IL1RAPL2: variants seen among roughly 807,000 people sequenced by gnomAD.
The protein encoded by IL1RAPL2 is interleukin 1 receptor accessory protein like 2.
Under a neutral mutation model 44.1 loss-of-function variants are expected in IL1RAPL2, and 3 were observed. The ratio of observed to expected loss-of-function variants is 0.07; its 90% CI spans 0.03 to 0.18. The LOEUF (loss-of-function observed/expected upper bound fraction) is 0.18. Ranked by LOEUF, IL1RAPL2 falls within the 10% of genes least tolerant of loss-of-function variation. The pLI, the probability that IL1RAPL2 is intolerant of heterozygous loss-of-function variation, is 1.00. For synonymous variants in IL1RAPL2, 181 were observed against 178.8 expected (o/e 1.01, Z -0.10); for missense variants, 391 against 496.4 (o/e 0.79, Z 2.02).
chrX:104,647,767 G>A (rs1930072454), intron 1 of IL1RAPL2: 1 of 537,066 alleles, frequency 1.9e-6, no homozygotes, highest in African/African-American at 2.3e-5. Flanking sequence ...TACCAGTGAT[G>A]ACTGGTACAT....
At chrX:105,435,414 A>G (rs1041667404) in intron 5 of IL1RAPL2, among the ~76,000 whole-genome samples, 22 of 111,548 alleles carry the variant, frequency 2.0e-4, no homozygotes, top group Admixed American at 1.9e-3. Flanking sequence ...AAGGCTGTGG[A>G]GAAATAGGAA....
At chrX:105,359,917 G>T (rs1434177370) in intron 5 of IL1RAPL2, among the ~76,000 whole-genome samples, 1 of 110,504 alleles carries the variant, frequency 9.0e-6, no homozygotes, top group Admixed American at 9.7e-5. Flanking sequence ...TATGTATGAG[G>T]TAACTGAAAC....
intron 2 of IL1RAPL2, among the ~76,000 whole-genome samples, chrX:105,189,214 T>TTTTA (rs1258562913): frequency 1.8e-5 from 2 of 112,320 alleles, no homozygotes; most frequent in Non-Finnish European, 3.8e-5. Flanking sequence ...ATTGACTGAA[T>TTTTA]TTTATTTATT....
chrX:104,635,607 T>G (rs937484577), intron 1 of IL1RAPL2, among the ~76,000 whole-genome samples: 2 of 112,139 alleles, frequency 1.8e-5, no homozygotes, highest in African/African-American at 6.5e-5. Flanking sequence ...CTTCCATCAC[T>G]GATACCCTTT....
chrX:104,627,261 G>A (rs904475039), intron 1 of IL1RAPL2, among the ~76,000 whole-genome samples: 30 of 100,358 alleles, frequency 3.0e-4, no homozygotes, highest in Non-Finnish European at 5.6e-4. Flanking sequence ...TTTTGTCCTT[G>A]CGATAGTTTG....
At chrX:105,305,645 T>C (rs778915706) in intron 5 of IL1RAPL2, among the ~76,000 whole-genome samples, 1 of 111,763 alleles carries the variant, frequency 8.9e-6, no homozygotes, top group Non-Finnish European at 1.9e-5. Flanking sequence ...TCTTCCCAAA[T>C]ATTTGTGAAG....
chrX:104,843,434 G>A (rs1001930517), intron 2 of IL1RAPL2, among the ~76,000 whole-genome samples: 1 of 110,962 alleles, frequency 9.0e-6, no homozygotes, highest in Non-Finnish European at 1.9e-5. Flanking sequence ...TCTCGCTGGA[G>A]TTCCAGGTGC....
intron 2 of IL1RAPL2, among the ~76,000 whole-genome samples, chrX:105,016,348 A>C (rs943120515): frequency 9.0e-6 from 1 of 111,213 alleles, no homozygotes; most frequent in Non-Finnish European, 1.9e-5. Flanking sequence ...ATCCAATATT[A>C]TGTTGAATAG....
At chrX:105,158,343 A>C (rs1290086323) in intron 2 of IL1RAPL2, among the ~76,000 whole-genome samples, 1 of 109,881 alleles carries the variant, frequency 9.1e-6, no homozygotes, top group Non-Finnish European at 1.9e-5. Context: ...TGGGTGACAG[A>C]GCGAGACTCC....
chrX:105,391,287 C>A (rs1049631885), intron 5 of IL1RAPL2, among the ~76,000 whole-genome samples: 39 of 111,426 alleles, frequency 3.5e-4, no homozygotes, highest in African/African-American at 1.2e-3. Context: ...TAAAACCAAA[C>A]CACTAGGGTT....
intron 2 of IL1RAPL2, among the ~76,000 whole-genome samples, chrX:104,904,524 T>A (rs1485073866): frequency 1.0e-5 from 1 of 97,035 alleles, no homozygotes; most frequent in African/African-American, 3.8e-5. Flanking sequence ...CATTGTTCAA[T>A]TCCCATCTAT....
intron 2 of IL1RAPL2, among the ~76,000 whole-genome samples, chrX:104,828,865 G>A (rs974070366): frequency 1.8e-5 from 2 of 112,746 alleles, no homozygotes. Context: ...TGACTACAGC[G>A]GCTTTGCAGC....
intron 2 of IL1RAPL2, among the ~76,000 whole-genome samples, chrX:105,018,792 A>G (rs2031231738): frequency 8.9e-6 from 1 of 111,846 alleles, no homozygotes; most frequent in Admixed American, 9.5e-5. Flanking sequence ...GGAAATTTGA[A>G]TACTATTTGG....
At chrX:105,252,151 T>C (rs2034274354) in intron 4 of IL1RAPL2, among the ~76,000 whole-genome samples, 1 of 111,590 alleles carries the variant, frequency 9.0e-6, no homozygotes, top group South Asian at 3.7e-4. Context: ...TAATTTTCCA[T>C]TTTCCAGAAT....
intron 5 of IL1RAPL2, among the ~76,000 whole-genome samples, chrX:105,383,923 A>G (rs1179818513): frequency 1.8e-5 from 2 of 111,347 alleles, no homozygotes; most frequent in African/African-American, 3.3e-5. Context: ...AAATATGTCT[A>G]TTAGGATTTT....
intron 6 of IL1RAPL2, among the ~76,000 whole-genome samples, chrX:105,658,296 A>G (rs1206589491): frequency 9.0e-6 from 1 of 111,658 alleles, no homozygotes; most frequent in Non-Finnish European, 1.9e-5. Context: ...GAAATGCCCA[A>G]GACCACAAAA....
intron 5 of IL1RAPL2, among the ~76,000 whole-genome samples, chrX:105,375,077 G>T (rs774642328): frequency 9.0e-6 from 1 of 110,729 alleles, no homozygotes; most frequent in Admixed American, 9.7e-5. Flanking sequence ...CCTGCAAACA[G>T]GGAGAGTTCA....
intron 6 of IL1RAPL2, among the ~76,000 whole-genome samples, chrX:105,528,099 C>A (rs2036606624): frequency 8.9e-6 from 1 of 112,048 alleles, no homozygotes; most frequent in Non-Finnish European, 1.9e-5. Context: ...TGAAAATGTG[C>A]AAATCAATAC....
chrX:105,604,915 T>A (rs369646240), intron 6 of IL1RAPL2, among the ~76,000 whole-genome samples: 1 of 110,555 alleles, frequency 9.0e-6, no homozygotes, highest in Non-Finnish European at 1.9e-5. Flanking sequence ...AGAAAAAGCA[T>A]TTGATAAAAT....
Sources: gnomAD v4.1 joint callset for allele counts (sites outside exome capture counted in the v4.1 genomes callset) on GRCh38, gnomAD v4.1.1 for gene constraint, MANE v1.5 for transcripts, NCBI Gene and HGNC (gene_info 2026-07-23, HGNC 2026-07-21) for gene names.